Variants in MAP2K1 observed in about 807,000 individuals in gnomAD.
MAP2K1 encodes mitogen-activated protein kinase kinase 1.
A neutral mutation model predicts 46.3 loss-of-function variants in MAP2K1; 16 were observed. The observed-to-expected ratio is 0.35, with a 90% CI of 0.23 to 0.52. The LOEUF (loss-of-function observed/expected upper bound fraction) is 0.52. Among genes scored for constraint, MAP2K1 ranks in the 20% least tolerant of loss-of-function variants. MAP2K1 has a pLI of 0.94. For missense variants in MAP2K1, 263 were observed against 497.1 expected, an observed-to-expected ratio of 0.53 and a Z score of 4.48; for synonymous variants, 183 against 185.6, an observed-to-expected ratio of 0.99 and a Z score of 0.11.
At chr15:66,393,158 G>A (rs1056633588) in intron 1 of MAP2K1, among the ~76,000 whole-genome samples, 13 of 151,680 alleles carry the variant, frequency 8.6e-5, no homozygotes, top group Admixed American at 7.2e-4. Context: ...TCCAGGATAA[G>A]GCATGTTATC....
rs552990977 is a variant in MAP2K1, at chr15:66,468,232, A to G, written c.569-13523A>G. ...ATAAATACGTGGACATATTAGACAT[A>G]CTGATAGAAGTACATCTTAAAGGTA... On this transcript the variant is annotated intron_variant, in intron 5 of 10. Coordinates refer to ENST00000307102, the MANE Select transcript of MAP2K1 (RefSeq NM_002755.4). 3.9e-5 allele frequency among the ~76,000 whole-genome samples: 6 copies of G among 152,316 alleles called. No homozygotes were observed. The South Asian group carries it at 1.2e-3, about 32-fold the overall frequency.
chr15:66,418,388 C>G (rs1177905969), intron 1 of MAP2K1, among the ~76,000 whole-genome samples: 1 of 152,152 alleles, frequency 6.6e-6, no homozygotes, highest in Non-Finnish European at 1.5e-5. Context: ...AAACTGCATT[C>G]CTGATTGATA....
chr15:66,431,758 A>G (rs2093475527), intron 1 of MAP2K1, among the ~76,000 whole-genome samples: 1 of 152,124 alleles, frequency 6.6e-6, no homozygotes, highest in South Asian at 2.1e-4. Context: ...ACATAGGTGG[A>G]CCTGTGCCAT....
chr15:66,425,101 T>G (rs1336081204), intron 1 of MAP2K1, among the ~76,000 whole-genome samples: 2 of 152,044 alleles, frequency 1.3e-5, no homozygotes, highest in African/African-American at 4.8e-5. Context: ...CAGCCTCCCG[T>G]CTCCATCTTT....
At position 66,491,432 on chromosome 15, in the gene MAP2K1, GT is replaced by G; in HGVS notation, c.*818del. The G allele has an allele frequency of 4.4e-6, 1 of 227,204 alleles. No individual in the cohort carries two copies. The highest frequency in any genetic ancestry group is 8.7e-6 in the Non-Finnish European group (1 of 114,356). The allele number at this position is 227,204 out of a possible 1,614,324, so 14.1% of individuals were successfully genotyped here. On this transcript the variant is annotated 3_prime_UTR_variant, in exon 11 of 11. Transcript: ENST00000307102. ...AATGCTGTTGTAAACAACGTGTATAGTGCCTAAAATTGTATGAAAATCCTTT... is the reference window on the plus strand; with the variant it reads ...AATGCTGTTGTAAACAACGTGTATAGGCCTAAAATTGTATGAAAATCCTTT...
At chr15:66,468,746 C>G (rs1276328751) in intron 5 of MAP2K1, among the ~76,000 whole-genome samples, 1 of 151,872 alleles carries the variant, frequency 6.6e-6, no homozygotes, top group Non-Finnish European at 1.5e-5. Context: ...GCCTGGCCAA[C>G]ATGGTGAAAC....
At chr15:66,407,747 C>T (rs999522237) in intron 1 of MAP2K1, among the ~76,000 whole-genome samples, 4 of 152,104 alleles carry the variant, frequency 2.6e-5, no homozygotes, top group Admixed American at 1.3e-4. Context: ...AAGGCTGAGG[C>T]GGGAGGATTA....
At chr15:66,393,195 T>G (rs1432462839) in intron 1 of MAP2K1, among the ~76,000 whole-genome samples, 3 of 151,600 alleles carry the variant, frequency 2.0e-5, no homozygotes, top group African/African-American at 7.3e-5. Context: ...TTTTTTTTTT[T>G]GAGACCGAGT....
At chr15:66,427,243 A>G (rs996169702) in intron 1 of MAP2K1, among the ~76,000 whole-genome samples, 4 of 152,228 alleles carry the variant, frequency 2.6e-5, no homozygotes, top group Admixed American at 6.5e-5. Context: ...TTGTTTTGCT[A>G]CTGTAATCTA....
intron 1 of MAP2K1, among the ~76,000 whole-genome samples, chr15:66,427,723 G>A (rs2093462758): frequency 6.6e-6 from 1 of 151,662 alleles, no homozygotes; most frequent in African/African-American, 2.4e-5. Context: ...AGGCTTTTAA[G>A]AAACCTCTCT....
intron 5 of MAP2K1, among the ~76,000 whole-genome samples, chr15:66,478,509 T>A (rs986753235): frequency 1.5e-4 from 19 of 124,946 alleles, no homozygotes; most frequent in African/African-American, 5.9e-4. Flanking sequence ...TATATATATT[T>A]TTTTTTTGAG....
Position 66,478,400 on chromosome 15 carries a change from G to GTA in MAP2K1, c.569-3342_569-3341dup, listed in dbSNP as rs373049432. Among the ~76,000 whole-genome samples the GTA allele has an allele frequency of 9.3e-3, 1,011 of 109,102 alleles. 6 individuals carry two copies. Among genetic ancestry groups the GTA allele is most frequent in the Middle Eastern group, 0.038 (8 of 208 alleles). 71.6% of individuals were successfully genotyped at this position (109,102 alleles called of 152,430 possible). ...AATATATATACACAGATATGTGTGT[G>GTA]TATATATATATATACACACAGGTAT... On this transcript the variant is annotated intron_variant, in intron 5 of 10. Transcript: ENST00000307102.
At position 66,386,961 on chromosome 15, in the gene MAP2K1, G is replaced by A. The variant is rs2093342040; in HGVS notation, c.-387G>A. Reference sequence around the variant, plus strand: ...GAGCGGCTAGGAGCACGGCGGCGGCGGCACTTTCCCCGGCAGGAGCTGGAG... The same window carrying A: ...GAGCGGCTAGGAGCACGGCGGCGGCAGCACTTTCCCCGGCAGGAGCTGGAG... On this transcript the variant is annotated 5_prime_UTR_variant, in exon 1 of 11. Coordinates refer to ENST00000307102, the MANE Select transcript of MAP2K1 (RefSeq NM_002755.4). 3.8e-6 allele frequency: 1 copy of A among 259,982 alleles called. No individual in the cohort carries two copies. 16.1% of individuals were successfully genotyped at this position (259,982 alleles called of 1,614,324 possible). A position where few individuals can be genotyped will look rare whatever the true frequency, so the allele number is the denominator to read the frequency against.
chr15:66,444,637 T>C lies in MAP2K1; in HGVS notation c.517-19T>C. On this transcript the variant is annotated intron_variant, in intron 4 of 10. Transcript: ENST00000307102. ...TTATCACCAGTATTTTCTTTTCTTT[T>C]ACATTCCCTTTCCTCTAGGTAATAA... 1.3e-6 allele frequency: 2 copies of C among 1,573,854 alleles called. No individual in the cohort carries two copies. The highest frequency in any genetic ancestry group is 8.7e-7 in the Non-Finnish European group (1 of 1,143,428).
At chr15:66,391,481 G>C (rs928181799) in intron 1 of MAP2K1, among the ~76,000 whole-genome samples, 1 of 152,046 alleles carries the variant, frequency 6.6e-6, no homozygotes, top group Non-Finnish European at 1.5e-5. Flanking sequence ...GTAGAGATGG[G>C]GTTTCACCAT....
chr15:66,399,887 G>T (rs554930439), intron 1 of MAP2K1, among the ~76,000 whole-genome samples: 3 of 152,214 alleles, frequency 2.0e-5, no homozygotes, highest in African/African-American at 7.2e-5. Flanking sequence ...GAGCCACCAT[G>T]CCTGGCTATC....
chr15:66,448,340 G>A (rs774000224), intron 5 of MAP2K1, among the ~76,000 whole-genome samples: 12 of 152,138 alleles, frequency 7.9e-5, no homozygotes, highest in African/African-American at 1.7e-4. Context: ...CATCCATGTT[G>A]TATGATGTGC....
chr15:66,422,850 A>G (rs926462391), intron 1 of MAP2K1, among the ~76,000 whole-genome samples: 2 of 151,936 alleles, frequency 1.3e-5, no homozygotes, highest in East Asian at 1.9e-4. Context: ...CAAGACCCCA[A>G]CTACATATAT....
chr15:66,476,783 T>C (rs1892764044), intron 5 of MAP2K1, among the ~76,000 whole-genome samples: 1 of 152,100 alleles, frequency 6.6e-6, no homozygotes, highest in Non-Finnish European at 1.5e-5. Flanking sequence ...GAGAAGATGC[T>C]GGAGACAGGA....
Sources: allele counts gnomAD v4.1 joint callset (sites outside exome capture counted in the v4.1 genomes callset), GRCh38; gene constraint gnomAD v4.1.1; transcripts MANE v1.5; gene names NCBI Gene and HGNC (gene_info 2026-07-23, HGNC 2026-07-21).